Variants in LRRC4C observed in about 807,000 individuals in gnomAD.
LRRC4C encodes leucine-rich repeat-containing protein 4C.
LRRC4C carries 5 observed loss-of-function variants against 33.6 expected under a neutral mutation model. The ratio of observed to expected loss-of-function variants is 0.15; its 90% confidence interval spans 0.08 to 0.31. The LOEUF (loss-of-function observed/expected upper bound fraction) is 0.31. Among genes scored for constraint, LRRC4C ranks in the 10% least tolerant of loss-of-function variants. LRRC4C has a pLI of 1.00. For synonymous variants in LRRC4C, 329 were observed against 302.0 expected (o/e 1.09, Z -0.93); for missense variants, 560 against 796.7 (o/e 0.70, Z 3.58).
At chr11:40,905,409 T>C (rs910884350) in intron 2 of LRRC4C, among the ~76,000 whole-genome samples, 1 of 149,878 alleles carries the variant, frequency 6.7e-6, no homozygotes, top group Non-Finnish European at 1.5e-5. Flanking sequence ...AAAAAAAAAG[T>C]ACCATCTTTG....
chr11:41,224,295 C>T (rs1947432111), intron 1 of LRRC4C, among the ~76,000 whole-genome samples: 1 of 152,076 alleles, frequency 6.6e-6, no homozygotes, highest in Non-Finnish European at 1.5e-5. Flanking sequence ...ATTTCATTGC[C>T]AATAAGAGAA....
intron 3 of LRRC4C, among the ~76,000 whole-genome samples, chr11:40,422,429 G>A (rs1365268687): frequency 2.0e-5 from 3 of 152,008 alleles, no homozygotes; most frequent in Non-Finnish European, 4.4e-5. Context: ...GAAGAAAAAT[G>A]TAAAATTTTG....
chr11:41,371,113 C>T lies in LRRC4C; in HGVS notation c.-496+88318G>A, dbSNP rs145692903. Among the ~76,000 whole-genome samples the T allele has an allele frequency of 2.5e-3, 387 of 152,022 alleles. 2 individuals carry two copies. Among genetic ancestry groups the T allele is most frequent in the African/African-American group, 8.9e-3 (369 of 41,482 alleles). On this transcript the variant is annotated intron_variant, in intron 1 of 6. Coordinates refer to ENST00000528697, the MANE Select transcript of LRRC4C (RefSeq NM_001258419.2). ...TATTGTTTCTCAAAAGGTTCTCAGCCGCCTTGATATATTAAATTTAGCTAC... is the reference window on the plus strand; with the variant it reads ...TATTGTTTCTCAAAAGGTTCTCAGCTGCCTTGATATATTAAATTTAGCTAC...
chr11:41,077,560 G>A (rs1390680525), intron 1 of LRRC4C, among the ~76,000 whole-genome samples: 1 of 152,176 alleles, frequency 6.6e-6, no homozygotes, highest in Admixed American at 6.5e-5. Flanking sequence ...TGAGATGGAG[G>A]GTGTCATGTT....
At chr11:40,757,002 G>C (rs940140215) in intron 2 of LRRC4C, among the ~76,000 whole-genome samples, 24 of 151,924 alleles carry the variant, frequency 1.6e-4, no homozygotes, top group African/African-American at 5.8e-4. Flanking sequence ...CCTTTGCTTG[G>C]CTGATGAAAC....
intron 2 of LRRC4C, among the ~76,000 whole-genome samples, chr11:40,764,852 G>A (rs771467235): frequency 6.6e-6 from 1 of 152,182 alleles, no homozygotes; most frequent in Non-Finnish European, 1.5e-5. Context: ...ACGTCTACAA[G>A]TCTTTAAGAC....
chr11:40,583,318 A>G (rs974935167), intron 3 of LRRC4C, among the ~76,000 whole-genome samples: 2 of 152,190 alleles, frequency 1.3e-5, no homozygotes, highest in East Asian at 3.9e-4. Context: ...CACAGCTGCT[A>G]TAATAAACAG....
At chr11:40,795,263 T>C (rs1950778358) in intron 2 of LRRC4C, among the ~76,000 whole-genome samples, 1 of 152,180 alleles carries the variant, frequency 6.6e-6, no homozygotes, top group African/African-American at 2.4e-5. Context: ...GCGCGGTGGC[T>C]CACGCCTGTA....
At chr11:41,416,322 G>T (rs1041802052) in intron 1 of LRRC4C, among the ~76,000 whole-genome samples, 12 of 151,990 alleles carry the variant, frequency 7.9e-5, no homozygotes, top group African/African-American at 2.7e-4. Context: ...GTTATGTTGA[G>T]TGGTTCATCT....
At chr11:41,274,073 C>T (rs183958875) in intron 1 of LRRC4C, among the ~76,000 whole-genome samples, 38 of 152,100 alleles carry the variant, frequency 2.5e-4, no homozygotes, top group Admixed American at 2.4e-3. Flanking sequence ...AATCTCCTGA[C>T]ATGGAGGCAT....
intron 2 of LRRC4C, among the ~76,000 whole-genome samples, chr11:40,652,457 A>C (rs145919907): frequency 5.8e-4 from 88 of 152,346 alleles, no homozygotes; most frequent in African/African-American, 2.0e-3. Flanking sequence ...AAGTCACCTT[A>C]TGAGGTAGAC....
chr11:40,752,074 A>G (rs571131788), intron 2 of LRRC4C, among the ~76,000 whole-genome samples: 6 of 152,280 alleles, frequency 3.9e-5, no homozygotes, highest in African/African-American at 1.4e-4. Context: ...CTGGGCTCCT[A>G]TCTCTCACCA....
chr11:41,179,471 T>C (rs980531628), intron 1 of LRRC4C, among the ~76,000 whole-genome samples: 2 of 152,214 alleles, frequency 1.3e-5, no homozygotes, highest in Admixed American at 6.5e-5. Flanking sequence ...TTGCCTTCAG[T>C]AGTTTTCTGA....
At chr11:41,405,065 A>C (rs1303374215) in intron 1 of LRRC4C, among the ~76,000 whole-genome samples, 1 of 152,090 alleles carries the variant, frequency 6.6e-6, no homozygotes, top group Non-Finnish European at 1.5e-5. Flanking sequence ...TGTTACCTAA[A>C]ATGTTGATAA....
chr11:41,175,400 T>G (rs550759049), intron 1 of LRRC4C, among the ~76,000 whole-genome samples: 1 of 152,296 alleles, frequency 6.6e-6, no homozygotes, highest in Admixed American at 6.5e-5. Flanking sequence ...ATAACATTTT[T>G]TTCATGCAAA....
chr11:40,238,445 T>C (rs1261388039), intron 5 of LRRC4C, among the ~76,000 whole-genome samples: 1 of 152,136 alleles, frequency 6.6e-6, no homozygotes, highest in Non-Finnish European at 1.5e-5. Context: ...TACCAGATAA[T>C]ACCACAGCCC....
intron 2 of LRRC4C, among the ~76,000 whole-genome samples, chr11:40,812,156 T>C (rs192291990): frequency 8.5e-5 from 13 of 152,324 alleles, no homozygotes; most frequent in Admixed American, 7.8e-4. Context: ...TCAGTAAATG[T>C]CAAATGTAGT....
rs946452386 is a variant in LRRC4C at position 41,152,098 on chromosome 11, A to T, written c.-495-218375T>A. On this transcript the variant is annotated intron_variant, in intron 1 of 6. Coordinates refer to ENST00000528697, the MANE Select transcript of LRRC4C (RefSeq NM_001258419.2). Reference sequence around the variant, plus strand: ...CACTGTCCACGTAGTTCTCTTTCACATGAGGTTATATAACCATTATATTCA... The same window carrying T: ...CACTGTCCACGTAGTTCTCTTTCACTTGAGGTTATATAACCATTATATTCA... Among the ~76,000 whole-genome samples, 5 of 152,270 alleles carry T rather than the reference A, an allele frequency of 3.3e-5. 1 individual carries two copies. The East Asian group carries it at 9.7e-4, about 29-fold the overall frequency.
At chr11:40,796,446 G>A (rs1950828151) in intron 2 of LRRC4C, among the ~76,000 whole-genome samples, 1 of 152,058 alleles carries the variant, frequency 6.6e-6, no homozygotes, top group South Asian at 2.1e-4. Flanking sequence ...GGTGAAAGAG[G>A]CCACTTTAGC....
Sources: allele counts gnomAD v4.1 joint callset (sites outside exome capture counted in the v4.1 genomes callset), GRCh38; gene constraint gnomAD v4.1.1; transcripts MANE v1.5; gene names NCBI Gene and HGNC (gene_info 2026-07-23, HGNC 2026-07-21).